TBX1: variants seen among roughly 807,000 people sequenced by gnomAD.
TBX1 encodes the protein T-box transcription factor TBX1.
In TBX1, 16 loss-of-function variants were observed where a neutral mutation model predicts 40.8. The ratio of observed to expected loss-of-function variants is 0.39; its 90% CI spans 0.27 to 0.60. The LOEUF is 0.60. TBX1 is among the 20% of genes least tolerant of loss of function. The pLI is 0.51. For missense variants in TBX1, 755 were observed against 728.5 expected (o/e 1.04, Z -0.42); for synonymous variants, 403 against 336.8 (o/e 1.20, Z -2.15).
At chr22:19,783,161 C>G, downstream of TBX1, 1 of 689,214 alleles carries the variant, frequency 1.5e-6, no homozygotes, top group South Asian at 1.5e-5. Context: ...AACTGCTCAG[C>G]CCAGCCTCTC....
rs367913077 is a variant in TBX1, at chr22:19,778,219, C to T, written c.1010-1001C>T. 3.0e-4 allele frequency among the ~76,000 whole-genome samples: 45 copies of T among 151,708 alleles called. 1 individual carries two copies. The highest frequency in any genetic ancestry group is 2.0e-3 in the East Asian group (10 of 5,110). On this transcript the variant is annotated intron_variant, in intron 8 of 8. Coordinates refer to the TBX1 transcript ENST00000329705. ...AAGCAAACCTTCCTCCTCAGTCTCC[C>T]GAACAGCTAGGACTACAGGTGTGTG...
At chr22:19,775,019 T>C (rs1256988689) in intron 8 of TBX1, among the ~76,000 whole-genome samples, 1 of 152,244 alleles carries the variant, frequency 6.6e-6, no homozygotes, top group Non-Finnish European at 1.5e-5. Context: ...GTTCAGGCTC[T>C]CCTTCCACCT....
downstream of TBX1, among the ~76,000 whole-genome samples, chr22:19,771,419 A>G (rs981713257): frequency 2.0e-5 from 3 of 152,178 alleles, no homozygotes; most frequent in Non-Finnish European, 4.4e-5. Context: ...TCTCTCTTTA[A>G]CCGCTGCCAG....
downstream of TBX1, chr22:19,783,082 G>A: frequency 1.3e-6 from 1 of 785,374 alleles, no homozygotes; most frequent in Non-Finnish European, 2.4e-6. Context: ...AAGGCTCCAA[G>A]CACCTGAGTG....
At chr22:19,770,766 T>C (rs1175359494), downstream of TBX1, among the ~76,000 whole-genome samples, 2 of 152,134 alleles carry the variant, frequency 1.3e-5, no homozygotes, top group Non-Finnish European at 2.9e-5. Context: ...TACCAGAGAA[T>C]TCCACGTAGC....
chr22:19,781,778 C>A (rs1034800137), downstream of TBX1, among the ~76,000 whole-genome samples: 1 of 152,150 alleles, frequency 6.6e-6, no homozygotes, highest in Non-Finnish European at 1.5e-5. Context: ...TTCCCAACAT[C>A]ATTTGTTAAA....
chr22:19,761,805 T>C (rs1936675953), intron 1 of TBX1, among the ~76,000 whole-genome samples: 1 of 152,246 alleles, frequency 6.6e-6, no homozygotes, highest in Non-Finnish European at 1.5e-5. Flanking sequence ...GCGTGCACTG[T>C]TGCGTGGAAG....
exon 9 of TBX1, chr22:19,779,250 A>G: frequency 6.2e-7 from 1 of 1,614,240 alleles, no homozygotes; most frequent in Non-Finnish European, 8.5e-7. Flanking sequence ...AAGGAAGTGA[A>G]AGCTGAGACG....
chr22:19,758,109 C>A (rs575165833), upstream of TBX1, among the ~76,000 whole-genome samples: 4 of 152,356 alleles, frequency 2.6e-5, no homozygotes, highest in East Asian at 7.7e-4. Flanking sequence ...CCCAGCCCCC[C>A]AGCCCGTTAC....
At chr22:19,767,341 T>C (rs1936900033), downstream of TBX1, 3 of 988,126 alleles carry the variant, frequency 3.0e-6, no homozygotes, top group Non-Finnish European at 3.6e-6. Context: ...GGAAGCCGCC[T>C]GCGTGTCCAT....
chr22:19,774,401 A>C (rs1428236317), intron 8 of TBX1, among the ~76,000 whole-genome samples: 1 of 152,170 alleles, frequency 6.6e-6, no homozygotes, highest in Non-Finnish European at 1.5e-5. Context: ...TGACAGAGCA[A>C]TATCTTGTCT....
chr22:19,768,149 G>C (rs911651091), downstream of TBX1, among the ~76,000 whole-genome samples: 6 of 152,172 alleles, frequency 3.9e-5, no homozygotes, highest in Admixed American at 1.3e-4. Context: ...TTGGACACAA[G>C]ATGAACGGGA....
At chr22:19,760,310 T>A (rs1601281308), upstream of TBX1, among the ~76,000 whole-genome samples, 2 of 129,978 alleles carry the variant, frequency 1.5e-5, no homozygotes, top group Non-Finnish European at 3.3e-5. Flanking sequence ...TGATTAAAAA[T>A]AAAGTGAAAA....
rs1304917032 is a variant in TBX1 at position 19,774,541 on chromosome 22, C to T, written c.1010-4679C>T. The stretch of plus-strand genomic sequence containing the variant: ...CACCCATGTTCATAGCAGCATTACT[C>T]AAATAGCAAAAGGTGGAGGCGAGCC... On this transcript the variant is annotated intron_variant, in intron 8 of 8. Transcript: ENST00000329705. Among the ~76,000 whole-genome samples, 3 of 152,284 alleles carry T rather than the reference C, an allele frequency of 2.0e-5. No individual in the cohort carries two copies. The East Asian group carries it at 5.8e-4, about 29-fold the overall frequency.
At chr22:19,774,374 C>T (rs1937034380) in intron 8 of TBX1, among the ~76,000 whole-genome samples, 2 of 152,226 alleles carry the variant, frequency 1.3e-5, no homozygotes, top group East Asian at 1.9e-4. Flanking sequence ...GATCACACCA[C>T]TCCACGCCAG....
At chr22:19,758,457 A>G (rs140769272), upstream of TBX1, among the ~76,000 whole-genome samples, 138 of 152,294 alleles carry the variant, frequency 9.1e-4, no homozygotes, top group African/African-American at 3.2e-3. Flanking sequence ...CGCACAGGCC[A>G]AGTCAGGCCT....
chr22:19,766,105 T>C (rs1397747052), intron 6 of TBX1, 103 bp downstream of exon 6: 13 of 1,044,896 alleles, frequency 1.2e-5, no homozygotes, highest in Non-Finnish European at 1.6e-5. Context: ...CGCTCCAGGC[T>C]TTCGCGCCGG....
chr22:19,766,073 G>C, intron 6 of TBX1, 71 bp downstream of exon 6: 2 of 1,288,510 alleles, frequency 1.6e-6, no homozygotes, highest in Non-Finnish European at 2.0e-6. Context: ...GGCCTCGCCC[G>C]ACCTCGCCTG....
At chr22:19,780,410 C>A (rs1393577308), downstream of TBX1, among the ~76,000 whole-genome samples, 2 of 152,198 alleles carry the variant, frequency 1.3e-5, no homozygotes, top group African/African-American at 4.8e-5. Flanking sequence ...AGTGTAAGGA[C>A]CTCAAGGTTC....
Sources: gnomAD v4.1 joint callset for allele counts (sites outside exome capture counted in the v4.1 genomes callset) on GRCh38, gnomAD v4.1.1 for gene constraint, MANE v1.5 for transcripts, NCBI Gene and HGNC (gene_info 2026-07-23, HGNC 2026-07-21) for gene names.